GRIA4: variants seen among roughly 807,000 people sequenced by gnomAD.
The protein encoded by GRIA4 is glutamate receptor 4.
Under a neutral mutation model 104.0 loss-of-function variants are expected in GRIA4, and 34 were observed. That is an observed-to-expected ratio of 0.33 (90% CI 0.25 to 0.44). The LOEUF is 0.44. GRIA4 is among the 20% of genes least tolerant of loss of function. The pLI is 1.00. For synonymous variants in GRIA4, 386 were observed against 381.9 expected (o/e 1.01, Z -0.13); for missense variants, 750 against 1,096.5 (o/e 0.68, Z 4.46).
chr11:105,880,996 A>G (rs1946032585), intron 5 of GRIA4, among the ~76,000 whole-genome samples: 1 of 152,196 alleles, frequency 6.6e-6, no homozygotes, highest in South Asian at 2.1e-4. Context: ...CTTAAAACAA[A>G]GATCTGTGTG....
At chr11:105,792,545 A>T (rs1244242270) in intron 4 of GRIA4, among the ~76,000 whole-genome samples, 2 of 152,258 alleles carry the variant, frequency 1.3e-5, no homozygotes, top group South Asian at 2.1e-4. Flanking sequence ...ACTTTGATAC[A>T]TGTTCCATAT....
intron 3 of GRIA4, among the ~76,000 whole-genome samples, chr11:105,678,126 T>TC (rs1952599261): frequency 6.6e-6 from 1 of 152,072 alleles, no homozygotes; most frequent in Non-Finnish European, 1.5e-5. Flanking sequence ...TAAGGTTTTT[T>TC]CAAGTATGCA....
chr11:105,674,466 C>T (rs1178531477), intron 3 of GRIA4, among the ~76,000 whole-genome samples: 7 of 151,346 alleles, frequency 4.6e-5, no homozygotes, highest in South Asian at 2.1e-4. Context: ...GGAAGAAAAG[C>T]GATGGAGCAG....
chr11:105,617,288 G>T (rs1024217699), intron 3 of GRIA4, among the ~76,000 whole-genome samples: 4 of 150,712 alleles, frequency 2.7e-5, no homozygotes, highest in Non-Finnish European at 5.9e-5. Flanking sequence ...ATATATATAT[G>T]ATTTTATTTA....
At position 105,918,719 on chromosome 11, in the gene GRIA4, C is replaced by A; in HGVS notation, c.1277C>A (p.Pro426Gln). 1 of 1,460,152 alleles carries A rather than the reference C, an allele frequency of 6.8e-7. No homozygotes were observed. 90.4% of individuals were successfully genotyped at this position (1,460,152 alleles called of 1,614,324 possible). ...CTACTTCTCTCATTATAGGAATCCC[C>A]ATATGTTATGTACAAGAAAAATCAT... ...TVVVTTIMES[P>Q]YVMYKKNHEM... is the part of the protein sequence containing the mutation. The change falls in exon 11 of 17, where the codon CCA becomes CAA. Residue 426 changes from proline (P) to glutamine (Q), a missense_variant. Transcript: ENST00000282499.
In GRIA4 at chr11:105,693,328, G is replaced by GC. The variant is rs1431298974; in HGVS notation, c.248-59651dup. Among the ~76,000 whole-genome samples the GC allele has an allele frequency of 5.3e-5, 8 of 152,132 alleles. No homozygotes were observed. In the South Asian group the frequency reaches 1.4e-3, roughly 28 times the overall value. ...TCAGCAAACTGGCAGAAGACATCTG[G>GC]CCAAGAGGAAAGAAAAACTTGTATG... On this transcript the variant is annotated intron_variant, in intron 3 of 16. Transcript: ENST00000282499.
chr11:105,650,644 A>G (rs888016095), intron 3 of GRIA4, among the ~76,000 whole-genome samples: 3 of 152,186 alleles, frequency 2.0e-5, no homozygotes, highest in Non-Finnish European at 4.4e-5. Context: ...AAGGGCAGAC[A>G]CTTTTTAAAA....
chr11:105,829,107 A>ACACACACACACACACAC, intron 4 of GRIA4, among the ~76,000 whole-genome samples: 1 of 151,944 alleles, frequency 6.6e-6, no homozygotes, highest in Non-Finnish European at 1.5e-5. Flanking sequence ...ACACACACAC[A>ACACACACACACACACAC]AATAGACTGA....
At chr11:105,688,156 C>CTATATCTCTG (rs373564678) in intron 3 of GRIA4, among the ~76,000 whole-genome samples, 1 of 72,744 alleles carries the variant, frequency 1.4e-5, no homozygotes, top group Non-Finnish European at 2.8e-5. Context: ...ATATCTATAT[C>CTATATCTCTG]TCTATCTATC....
intron 4 of GRIA4, among the ~76,000 whole-genome samples, chr11:105,860,357 AG>A (rs1945174482): frequency 6.6e-6 from 1 of 152,196 alleles, no homozygotes; most frequent in Non-Finnish European, 1.5e-5. Context: ...CATACCAATT[AG>A]AAAACTCAAC....
intron 4 of GRIA4, among the ~76,000 whole-genome samples, chr11:105,821,262 T>C (rs1015605537): frequency 2.0e-5 from 3 of 152,158 alleles, no homozygotes; most frequent in East Asian, 3.9e-4. Flanking sequence ...AATGATTTAG[T>C]TAAAATTGTA....
At chr11:105,734,226 C>T (rs1938793144) in intron 3 of GRIA4, among the ~76,000 whole-genome samples, 2 of 151,820 alleles carry the variant, frequency 1.3e-5, no homozygotes, top group African/African-American at 4.8e-5. Context: ...ACAGTTTACT[C>T]CACCTTGGTA....
intron 15 of GRIA4, among the ~76,000 whole-genome samples, chr11:105,973,104 G>C (rs149902813): frequency 5.6e-4 from 86 of 152,264 alleles, no homozygotes; most frequent in African/African-American, 1.9e-3. Context: ...AGTCAGACAA[G>C]TGCAAATACT....
At chr11:105,697,684 C>T (rs1276922705) in intron 3 of GRIA4, among the ~76,000 whole-genome samples, 1 of 152,186 alleles carries the variant, frequency 6.6e-6, no homozygotes, top group African/African-American at 2.4e-5. Flanking sequence ...AGATTTATTT[C>T]GTTCCACTGT....
intron 3 of GRIA4, among the ~76,000 whole-genome samples, chr11:105,709,317 C>A (rs1953825831): frequency 6.6e-6 from 1 of 151,952 alleles, no homozygotes; most frequent in Non-Finnish European, 1.5e-5. Context: ...TCCAGCTTTT[C>A]CATATGGTAA....
chr11:105,636,353 T>C (rs1951201164), intron 3 of GRIA4, among the ~76,000 whole-genome samples: 1 of 152,206 alleles, frequency 6.6e-6, no homozygotes, highest in African/African-American at 2.4e-5. Flanking sequence ...TTCATTTTTG[T>C]CCCTCAAGAA....
intron 3 of GRIA4, among the ~76,000 whole-genome samples, chr11:105,654,392 T>C (rs1265957879): frequency 6.6e-6 from 1 of 152,004 alleles, no homozygotes; most frequent in Non-Finnish European, 1.5e-5. Flanking sequence ...GCTATGTTCA[T>C]TAACTCAATC....
chr11:105,777,003 GAGA>G, intron 4 of GRIA4, among the ~76,000 whole-genome samples: 1 of 152,252 alleles, frequency 6.6e-6, no homozygotes, highest in Non-Finnish European at 1.5e-5. Flanking sequence ...TTTATCCAGG[GAGA>G]AGAGTGTGAC....
At chr11:105,821,827 C>T (rs1335636498) in intron 4 of GRIA4, among the ~76,000 whole-genome samples, 1 of 152,112 alleles carries the variant, frequency 6.6e-6, no homozygotes, top group Non-Finnish European at 1.5e-5. Flanking sequence ...AATACCCACA[C>T]ACACTTAACA....
Sources: allele counts gnomAD v4.1 joint callset (sites outside exome capture counted in the v4.1 genomes callset), GRCh38; gene constraint gnomAD v4.1.1; transcripts MANE v1.5; gene names NCBI Gene and HGNC (gene_info 2026-07-23, HGNC 2026-07-21).